Variants in PDPR observed in about 807,000 individuals in gnomAD.
PDPR encodes pyruvate dehydrogenase phosphatase regulatory subunit, mitochondrial.
A neutral mutation model predicts 102.2 loss-of-function variants in PDPR; 50 were observed. The ratio of observed to expected loss-of-function variants is 0.49; its 90% CI spans 0.39 to 0.62. The LOEUF (loss-of-function observed/expected upper bound fraction) is 0.62. Ranked by LOEUF, PDPR falls within the 20% of genes least tolerant of loss-of-function variation. The probability of loss-of-function intolerance (pLI) is 0.00; values close to 1 mark genes in which losing one functional copy is unlikely to be tolerated. For synonymous variants in PDPR, 259 were observed against 406.0 expected, an observed-to-expected ratio of 0.64 and a Z score of 4.35; for missense variants, 625 against 1,098.2, an observed-to-expected ratio of 0.57 and a Z score of 6.09.
rs1965371389 is a variant in PDPR at position 70,138,300 on chromosome 16, C to T, written c.1191-599C>T. ...ATGGCGTGATCTAGGCTTACTGCAA[C>T]CTCTGCCTCCCAGGTTCAAGCAATT... is the stretch of plus-strand genomic sequence containing the variant. On this transcript the variant is annotated intron_variant, in intron 10 of 18. Coordinates refer to ENST00000288050, the MANE Select transcript of PDPR (RefSeq NM_017990.5). 2.7e-5 allele frequency among the ~76,000 whole-genome samples: 4 copies of T among 149,242 alleles called. No homozygotes were observed. In the South Asian group the frequency reaches 8.4e-4, roughly 31 times the overall value.
intron 3 of PDPR, among the ~76,000 whole-genome samples, chr16:70,121,399 A>G (rs1567519443): frequency 6.6e-6 from 1 of 151,916 alleles, no homozygotes; most frequent in Non-Finnish European, 1.5e-5. Context: ...TTAGATTCAT[A>G]CAACAATATT....
At chr16:70,163,252 G>A (rs2152132875), downstream of PDPR, among the ~76,000 whole-genome samples, 1 of 151,602 alleles carries the variant, frequency 6.6e-6, no homozygotes, top group East Asian at 2.0e-4. Context: ...CTGGCCCAAA[G>A]TAATTTTTGA....
Position 70,158,666 on chromosome 16 carries a change from G to C in PDPR, c.*1787G>C, listed in dbSNP as rs1967479796. On this transcript the variant is annotated 3_prime_UTR_variant, in exon 19 of 19. Transcript: ENST00000288050. The stretch of plus-strand genomic sequence containing the variant: ...CAAGTATGTACTTAACTAGCCGAGA[G>C]ATGCTGCCTCTAGGCAGAGAGGAGG... 1 of 152,798 alleles carries C rather than the reference G, an allele frequency of 6.5e-6. No homozygotes were observed. The highest frequency in any genetic ancestry group is 2.1e-4 in the South Asian group (1 of 4,836). The allele number at this position is 152,798 out of a possible 1,614,324, so 9.5% of individuals were successfully genotyped here. A position where few individuals can be genotyped will look rare whatever the true frequency, so the allele number is the denominator to read the frequency against.
At position 70,142,609 on chromosome 16, in the gene PDPR, G is replaced by A. The variant is rs375675580; in HGVS notation, c.1528G>A (p.Val510Met). The A allele has an allele frequency of 7.4e-6, 12 of 1,613,958 alleles. No homozygotes were observed. Among genetic ancestry groups the A allele is most frequent in the Middle Eastern group, 3.3e-4 (2 of 6,082 alleles). Residue 510 changes from valine to methionine, a missense_variant, in exon 13 of 19, where the codon GTG becomes ATG. Physicochemically the swap from Val to Met is conservative, Grantham distance 21. This residue lies in a region of PDPR where 28 missense variants were observed against 141.2 expected (regional missense o/e 0.20). Transcript: ENST00000288050. ...TFYKPDWFDI[V>M]ESEVKCCKEA... ...CTATAAGCCAGATTGGTTTGACATC[G>A]TGGAGTCTGAAGTCAAGTGCTGTAA...
rs1273185251 is a variant in PDPR at position 70,136,228 on chromosome 16, A to G, written c.1032A>G (p.Pro344=). 2 of 1,609,856 alleles carry G rather than the reference A, an allele frequency of 1.2e-6. No individual in the cohort carries two copies. The highest frequency in any genetic ancestry group is 8.5e-7 in the Non-Finnish European group (1 of 1,177,272). Residue 344 remains proline, a synonymous_variant, in exon 10 of 19, where the codon CCA becomes CCG. Transcript: ENST00000288050. ...TGAGTTCCCTTCTGAGGAGGATGCC[A>G]GAATTAGAGACTCTGGAGATCATGA... The part of the protein sequence containing the change: ...PLLSSLLRRM[P]ELETLEIMKL...
At chr16:70,137,248 C>T (rs1184855179) in intron 10 of PDPR, among the ~76,000 whole-genome samples, 5 of 152,232 alleles carry the variant, frequency 3.3e-5, no homozygotes, top group East Asian at 1.9e-4. Context: ...CCCAGCTACT[C>T]GGGAGGCTGA....
At chr16:70,130,602 G>T in intron 7 of PDPR, 58 bp downstream of exon 7, 1 of 1,604,226 alleles carries the variant, frequency 6.2e-7, no homozygotes, top group Non-Finnish European at 8.5e-7. Context: ...GATTTTTTTG[G>T]TGTAGAGAAG....
intron 3 of PDPR, among the ~76,000 whole-genome samples, chr16:70,125,636 T>A (rs1375147172): frequency 1.3e-5 from 2 of 151,794 alleles, no homozygotes; most frequent in African/African-American, 4.8e-5. Flanking sequence ...TCTTTCCTTT[T>A]CTTTCTTTTT....
At chr16:70,152,923 T>C (rs564576023) in intron 17 of PDPR, among the ~76,000 whole-genome samples, 1 of 152,410 alleles carries the variant, frequency 6.6e-6, no homozygotes, top group Admixed American at 6.5e-5. Context: ...TGCACACGTC[T>C]CGAGTAACGT....
chr16:70,149,246 G>GTTT (rs372335620), intron 17 of PDPR, among the ~76,000 whole-genome samples: 1 of 146,998 alleles, frequency 6.8e-6, no homozygotes. Context: ...TCTTCATCCT[G>GTTT]TTTTTTTTTT....
chr16:70,135,500 G>A (rs1473564988), intron 9 of PDPR, among the ~76,000 whole-genome samples: 1 of 152,264 alleles, frequency 6.6e-6, no homozygotes, highest in Admixed American at 6.5e-5. Flanking sequence ...GCCTCCCAAA[G>A]TGCCGGGGTT....
chr16:70,130,165 T>C (rs948700259), intron 6 of PDPR, among the ~76,000 whole-genome samples: 1 of 152,254 alleles, frequency 6.6e-6, no homozygotes, highest in African/African-American at 2.4e-5. Flanking sequence ...TGGTGGTGCA[T>C]GCCTGTAATC....
At chr16:70,141,753 C>T (rs1483664345) in intron 11 of PDPR, among the ~76,000 whole-genome samples, 1 of 152,264 alleles carries the variant, frequency 6.6e-6, no homozygotes, top group Non-Finnish European at 1.5e-5. Flanking sequence ...ATTGTCTTTT[C>T]CTTCTGGAGC....
chr16:70,151,554 A>G (rs536331422), intron 17 of PDPR, among the ~76,000 whole-genome samples: 2 of 152,408 alleles, frequency 1.3e-5, no homozygotes, highest in African/African-American at 4.8e-5. Flanking sequence ...TGGCCTGTGC[A>G]GGCAGGTTGA....
intron 13 of PDPR, among the ~76,000 whole-genome samples, chr16:70,143,082 C>G (rs1311465920): frequency 2.0e-5 from 3 of 152,222 alleles, no homozygotes; most frequent in Non-Finnish European, 4.4e-5. Flanking sequence ...GTAATCCCAG[C>G]TACTCGGGAG....
In PDPR at chr16:70,156,627, T is replaced by G. The variant is rs1174407492; in HGVS notation, c.2388T>G (p.Val796=). Residue 796 remains valine, a synonymous_variant, in exon 19 of 19, where the codon GTT becomes GTG. Coordinates refer to ENST00000288050, the MANE Select transcript of PDPR (RefSeq NM_017990.5). ...CCATTTACCGGAATGGGCAGTATGT[T>G]GGCAAGACCACCAGCAGTGCCTACA... ...GEPIYRNGQY[V]GKTTSSAYSY... 6.2e-7 allele frequency: 1 copy of G among 1,614,116 alleles called. No individual in the cohort carries two copies. The highest frequency in any genetic ancestry group is 1.7e-5 in the Admixed American group (1 of 60,036).
At chr16:70,138,477 A>T (rs1436165777) in intron 10 of PDPR, among the ~76,000 whole-genome samples, 2 of 152,136 alleles carry the variant, frequency 1.3e-5, no homozygotes, top group Non-Finnish European at 2.9e-5. Context: ...TCGGCCTCCC[A>T]AAGTGCTGGG....
At chr16:70,125,552 CAAAAAAAA>C (rs1164711741) in intron 3 of PDPR, among the ~76,000 whole-genome samples, 3 of 106,842 alleles carry the variant, frequency 2.8e-5, no homozygotes, top group Non-Finnish European at 5.5e-5. Flanking sequence ...AACTGCGTCT[CAAAAAAAA>C]AAAAAAAAAA....
Position 70,153,538 on chromosome 16 carries a change from G to A in PDPR, c.2200G>A (p.Glu734Lys). 1 of 1,610,420 alleles carries A rather than the reference G, an allele frequency of 6.2e-7. No homozygotes were observed. Among genetic ancestry groups the A allele is most frequent in the Non-Finnish European group, 8.5e-7 (1 of 1,178,666 alleles). Residue 734 changes from glutamate to lysine, a missense_variant, in exon 18 of 19, where the codon GAA becomes AAA. Glu to Lys is a moderately conservative substitution (Grantham distance 56). This residue lies in a region of PDPR where 303 missense variants were observed against 258.9 expected (regional missense o/e 1.17). Coordinates refer to ENST00000288050, the MANE Select transcript of PDPR (RefSeq NM_017990.5). ...QDINNLTTPL[E>K]CGRESRVKLE... ...TATAAATAACCTCACCACGCCCCTGGAATGTGGACGAGAGTCTCGGGTGAA... is the reference window on the plus strand; with the variant it reads ...TATAAATAACCTCACCACGCCCCTGAAATGTGGACGAGAGTCTCGGGTGAA...
Sources: allele counts gnomAD v4.1 joint callset (sites outside exome capture counted in the v4.1 genomes callset), GRCh38; gene constraint gnomAD v4.1.1; regional missense constraint gnomAD v4.1.1; transcripts MANE v1.5; gene names NCBI Gene and HGNC (gene_info 2026-07-23, HGNC 2026-07-21).